Variants in NCAM2 observed in about 807,000 individuals in gnomAD.
NCAM2 encodes the protein N-CAM-2.
Under a neutral mutation model 98.1 loss-of-function variants are expected in NCAM2, and 30 were observed. That is an observed-to-expected ratio of 0.31 (90% CI 0.23 to 0.41). The LOEUF is 0.41. NCAM2 is among the 10% of genes least tolerant of loss of function. The pLI is 1.00. For missense variants in NCAM2, 867 were observed against 1,005.8 expected (o/e 0.86, Z 1.87); for synonymous variants, 368 against 342.4 (o/e 1.07, Z -0.83).
At chr21:21,443,986 T>C (rs1027199306) in intron 12 of NCAM2, among the ~76,000 whole-genome samples, 8 of 152,190 alleles carry the variant, frequency 5.3e-5, no homozygotes, top group Admixed American at 5.2e-4. Flanking sequence ...TTGTCATAAA[T>C]AGCTCTTCTT....
intron 1 of NCAM2, among the ~76,000 whole-genome samples, chr21:21,218,865 G>A (rs1238416412): frequency 6.6e-6 from 1 of 152,222 alleles, no homozygotes; most frequent in Non-Finnish European, 1.5e-5. Flanking sequence ...CCAACATGGT[G>A]AAACCCTGTT....
intron 16 of NCAM2, among the ~76,000 whole-genome samples, chr21:21,530,025 A>G (rs1248001272): frequency 6.8e-6 from 1 of 147,776 alleles, no homozygotes; most frequent in Non-Finnish European, 1.5e-5. Flanking sequence ...AGCAGTATCT[A>G]TATGTAATTT....
intron 1 of NCAM2, among the ~76,000 whole-genome samples, chr21:21,172,998 G>A (rs1013383989): frequency 6.6e-6 from 1 of 151,994 alleles, no homozygotes; most frequent in African/African-American, 2.4e-5. Context: ...CTCAATAAGG[G>A]TGGACTTGAC....
chr21:21,003,345 C>T (rs1411151260), intron 1 of NCAM2, among the ~76,000 whole-genome samples: 1 of 152,122 alleles, frequency 6.6e-6, no homozygotes, highest in Non-Finnish European at 1.5e-5. Context: ...TTGATCAAAT[C>T]TTTCTTGGCT....
At chr21:21,445,984 C>T (rs1307702087) in intron 12 of NCAM2, among the ~76,000 whole-genome samples, 5 of 152,038 alleles carry the variant, frequency 3.3e-5, no homozygotes, top group Admixed American at 6.6e-5. Flanking sequence ...TTTTCCTTTC[C>T]ATATTTAGTG....
intron 1 of NCAM2, among the ~76,000 whole-genome samples, chr21:21,259,004 G>A (rs1160732348): frequency 6.6e-6 from 1 of 152,132 alleles, no homozygotes; most frequent in East Asian, 1.9e-4. Flanking sequence ...TGGAGGGAGG[G>A]TCATCATTGT....
chr21:21,333,345 A>T lies in NCAM2; in HGVS notation c.738-2160A>T, dbSNP rs548254139. Reference sequence around the variant, plus strand: ...TTCAAAGGCCAAATCAAGGATTTTTATTTTCTCATGAAAATTCCCAGAGTA... The same window carrying T: ...TTCAAAGGCCAAATCAAGGATTTTTTTTTTCTCATGAAAATTCCCAGAGTA... On this transcript the variant is annotated intron_variant, in intron 6 of 17. Coordinates refer to ENST00000400546, the MANE Select transcript of NCAM2 (RefSeq NM_004540.5). Among the ~76,000 whole-genome samples, 5 of 152,260 alleles carry T rather than the reference A, an allele frequency of 3.3e-5. No homozygotes were observed. The East Asian group carries it at 9.6e-4, about 29-fold the overall frequency.
At chr21:21,104,925 T>C (rs2066315422) in intron 1 of NCAM2, among the ~76,000 whole-genome samples, 1 of 152,066 alleles carries the variant, frequency 6.6e-6, no homozygotes, top group Non-Finnish European at 1.5e-5. Flanking sequence ...AGCAGCCCAG[T>C]GGGGAGGTTT....
Position 21,286,557 on chromosome 21 carries a change from T to C in NCAM2, c.481+145T>C, listed in dbSNP as rs181118794. Reference sequence around the variant, plus strand: ...ATTTTGAGAACCTGTAAGCTCTACATTAGGATTTTGCAATCTAGGGATCTC... The same window carrying C: ...ATTTTGAGAACCTGTAAGCTCTACACTAGGATTTTGCAATCTAGGGATCTC... On this transcript the variant is annotated intron_variant, in intron 4 of 17. Transcript: ENST00000400546. The C allele has an allele frequency of 3.9e-5, 35 of 903,664 alleles. No homozygotes were observed. In the Admixed American group the frequency reaches 1.0e-3, roughly 26 times the overall value. The allele number at this position is 903,664 out of a possible 1,614,324, so 56.0% of individuals were successfully genotyped here. A position where few individuals can be genotyped will look rare whatever the true frequency, so the allele number is the denominator to read the frequency against.
intron 15 of NCAM2, among the ~76,000 whole-genome samples, chr21:21,503,376 G>C (rs767280585): frequency 2.0e-5 from 3 of 151,862 alleles, no homozygotes; most frequent in Non-Finnish European, 4.4e-5. Context: ...CTTTGAGACT[G>C]ACAATAGAGG....
chr21:21,274,180 A>T (rs1421589342), intron 1 of NCAM2, among the ~76,000 whole-genome samples: 6 of 151,838 alleles, frequency 4.0e-5, no homozygotes, highest in Non-Finnish European at 8.8e-5. Context: ...AAAAAAAAAA[A>T]AATTTTAATC....
rs141464484 is a variant in NCAM2 at position 21,154,610 on chromosome 21, A to G, written c.56-125968A>G. Among the ~76,000 whole-genome samples the G allele has an allele frequency of 1.7e-4, 26 of 151,998 alleles. No individual in the cohort carries two copies. The East Asian group carries it at 4.8e-3, about 28-fold the overall frequency. On this transcript the variant is annotated intron_variant, in intron 1 of 17. Transcript: ENST00000400546. ...TTGATTATTCTTGAAACATGAGTGG[A>G]TAGGTACATGGAAATGCTTTCTGCT...
intron 9 of NCAM2, among the ~76,000 whole-genome samples, chr21:21,399,359 CTCTT>C (rs1271042298): frequency 4.6e-5 from 7 of 152,082 alleles, no homozygotes; most frequent in Non-Finnish European, 1.0e-4. Context: ...GTGAAAATAA[CTCTT>C]TCTGTTATTT....
At chr21:21,290,873 G>T (rs370940319) in intron 4 of NCAM2, among the ~76,000 whole-genome samples, 2 of 151,772 alleles carry the variant, frequency 1.3e-5, no homozygotes, top group South Asian at 4.1e-4. Context: ...GCAGTTTATG[G>T]CTCACTCATG....
intron 1 of NCAM2, among the ~76,000 whole-genome samples, chr21:21,144,790 A>G (rs2067239003): frequency 6.6e-6 from 1 of 152,156 alleles, no homozygotes; most frequent in Admixed American, 6.5e-5. Flanking sequence ...ACAAAGCAAG[A>G]CTAGGAAATC....
At chr21:21,188,916 G>A (rs2068726116) in intron 1 of NCAM2, among the ~76,000 whole-genome samples, 1 of 152,266 alleles carries the variant, frequency 6.6e-6, no homozygotes, top group East Asian at 1.9e-4. Context: ...TCAATTTGAT[G>A]TAAGGCCCCA....
chr21:21,430,255 T>G (rs1186957802), intron 11 of NCAM2, among the ~76,000 whole-genome samples: 5 of 151,966 alleles, frequency 3.3e-5, no homozygotes, highest in Non-Finnish European at 7.4e-5. Flanking sequence ...CTCAAACTCC[T>G]GACCTCAAGT....
intron 9 of NCAM2, among the ~76,000 whole-genome samples, chr21:21,391,953 T>G (rs2076390024): frequency 6.6e-6 from 1 of 152,174 alleles, no homozygotes; most frequent in African/African-American, 2.4e-5. Context: ...TTTAAAAAAC[T>G]TTTAAATTCA....
chr21:21,143,951 A>G (rs1307115796), intron 1 of NCAM2, among the ~76,000 whole-genome samples: 1 of 151,990 alleles, frequency 6.6e-6, no homozygotes. Flanking sequence ...AGAAAACTCA[A>G]TGTGTTATTT....
Sources: gnomAD v4.1 joint callset for allele counts (sites outside exome capture counted in the v4.1 genomes callset) on GRCh38, gnomAD v4.1.1 for gene constraint, MANE v1.5 for transcripts, NCBI Gene and HGNC (gene_info 2026-07-23, HGNC 2026-07-21) for gene names.